Variants in MAMDC2 observed in about 807,000 individuals in gnomAD.
MAMDC2 encodes the protein MAM domain containing 2.
MAMDC2 carries 57 observed loss-of-function variants against 89.8 expected under a neutral mutation model. The ratio of observed to expected loss-of-function variants is 0.63; its 90% CI spans 0.51 to 0.79. The LOEUF (loss-of-function observed/expected upper bound fraction) is 0.79, where lower values mean the gene tolerates loss of function less well. MAMDC2 is among the 30% of genes least tolerant of loss of function. MAMDC2 has a pLI of 0.00. For missense variants in MAMDC2, 800 were observed against 820.6 expected, an observed-to-expected ratio of 0.97 and a Z score of 0.31; for synonymous variants, 313 against 293.4, an observed-to-expected ratio of 1.07 and a Z score of -0.68.
At chr9:70,113,786 G>C (rs1201301960) in intron 5 of MAMDC2, 1 of 152,240 alleles carries the variant, frequency 6.6e-6, no homozygotes, top group Admixed American at 6.5e-5. Context: ...AAAAGCCAAG[G>C]TCTCCCCACA....
intron 11 of MAMDC2, among the ~76,000 whole-genome samples, chr9:70,218,110 T>A (rs1440587910): frequency 6.6e-6 from 1 of 152,254 alleles, no homozygotes; most frequent in Non-Finnish European, 1.5e-5. Flanking sequence ...ACCTCTTGTA[T>A]ATTAAACTGA....
intron 9 of MAMDC2, among the ~76,000 whole-genome samples, chr9:70,155,366 C>T (rs1451163500): frequency 6.6e-6 from 1 of 152,128 alleles, no homozygotes; most frequent in African/African-American, 2.4e-5. Context: ...CAGTTCTGTT[C>T]CTCTCTGAAT....
chr9:70,094,679 GGAA>G (rs1224535088), intron 2 of MAMDC2, among the ~76,000 whole-genome samples: 2 of 152,042 alleles, frequency 1.3e-5, no homozygotes, highest in African/African-American at 4.8e-5. Context: ...ACTACCATCA[GGAA>G]GAAGTTTACC....
At chr9:70,180,101 A>T (rs530950706) in intron 11 of MAMDC2, among the ~76,000 whole-genome samples, 4 of 151,396 alleles carry the variant, frequency 2.6e-5, no homozygotes, top group African/African-American at 9.7e-5. Context: ...CTTATGAGTG[A>T]GAACATGCAG....
chr9:70,155,049 G>C (rs1012993), intron 9 of MAMDC2, among the ~76,000 whole-genome samples: 119,094 of 151,892 alleles, frequency 0.78, 46,835 homozygotes, highest in Admixed American at 0.83. Context: ...CTCCCCACCT[G>C]CAGGTCTTCC....
At chr9:70,210,642 T>C (rs550120416) in intron 11 of MAMDC2, among the ~76,000 whole-genome samples, 2 of 152,342 alleles carry the variant, frequency 1.3e-5, no homozygotes, top group Admixed American at 1.3e-4. Context: ...CATTTAAGGT[T>C]AATATTGTTA....
chr9:70,140,774 A>T (rs1179124592), intron 8 of MAMDC2, among the ~76,000 whole-genome samples: 1 of 152,178 alleles, frequency 6.6e-6, no homozygotes, highest in Non-Finnish European at 1.5e-5. Flanking sequence ...TGCACTTTCA[A>T]ATGGATAAAT....
intron 11 of MAMDC2, among the ~76,000 whole-genome samples, chr9:70,197,806 C>T (rs1160722432): frequency 6.6e-6 from 1 of 152,142 alleles, no homozygotes; most frequent in Non-Finnish European, 1.5e-5. Flanking sequence ...CAGCCATCCA[C>T]ATCGTCATAG....
intron 2 of MAMDC2, among the ~76,000 whole-genome samples, chr9:70,097,171 T>G (rs1828050069): frequency 6.6e-6 from 1 of 152,166 alleles, no homozygotes; most frequent in East Asian, 1.9e-4. Context: ...GAAAAAAAAA[T>G]CTTCATCAAG....
chr9:70,045,434 G>A (rs764015413), intron 2 of MAMDC2, among the ~76,000 whole-genome samples: 41 of 152,126 alleles, frequency 2.7e-4, no homozygotes, highest in South Asian at 4.2e-4. Context: ...AATGGCAGGC[G>A]GCACTGGGTG....
At chr9:70,190,346 T>A (rs966173342) in intron 11 of MAMDC2, among the ~76,000 whole-genome samples, 1 of 152,178 alleles carries the variant, frequency 6.6e-6, no homozygotes, top group Non-Finnish European at 1.5e-5. Context: ...ATGGCTCTGC[T>A]CTGTTAGCTT....
intron 6 of MAMDC2, among the ~76,000 whole-genome samples, 176 bp from the exon 7 acceptor site, chr9:70,131,343 A>G (rs2030796609): frequency 6.6e-6 from 1 of 152,224 alleles, no homozygotes; most frequent in Non-Finnish European, 1.5e-5. Context: ...TCTCCCAAAA[A>G]GAGACTGTAG....
chr9:70,164,231 G>T (rs1431335783), intron 9 of MAMDC2, among the ~76,000 whole-genome samples: 1 of 152,100 alleles, frequency 6.6e-6, no homozygotes, highest in East Asian at 1.9e-4. Context: ...CCATAACAAA[G>T]AATTATCTGG....
chr9:70,071,844 G>A (rs1827417960), intron 2 of MAMDC2: 1 of 152,160 alleles, frequency 6.6e-6, no homozygotes, highest in African/African-American at 2.4e-5. Flanking sequence ...ATGAACAAAG[G>A]CTGAAGGAAG....
At chr9:70,193,551 C>T (rs1450528560) in intron 11 of MAMDC2, among the ~76,000 whole-genome samples, 1 of 152,048 alleles carries the variant, frequency 6.6e-6, no homozygotes, top group Non-Finnish European at 1.5e-5. Context: ...CTCCTATAGC[C>T]TGTCTTGCTC....
rs1387672172 is a variant in MAMDC2 at position 70,108,424 on chromosome 9, C to T, written c.362C>T (p.Pro121Leu). The part of the protein sequence containing the change: ...FDRLLWSAKE[P>L]SDSWLIASLD... ...CGCTTGCTTTGGTCAGCTAAGGAAC[C>T]TTCAGACAGCTGGCTCATAGCCAGC... is the stretch of plus-strand genomic sequence containing the variant. The change falls in exon 3 of 14, where the codon CCT (proline) becomes CTT (leucine). Residue 121 changes from proline to leucine, a missense_variant. Physicochemically the swap from Pro to Leu is moderately conservative, Grantham distance 98. Coordinates refer to ENST00000377182, the MANE Select transcript of MAMDC2 (RefSeq NM_153267.5). 3.1e-6 allele frequency: 5 copies of T among 1,613,192 alleles called. No homozygotes were observed. The highest frequency in any genetic ancestry group is 4.2e-6 in the Non-Finnish European group (5 of 1,179,740).
chr9:70,079,456 A>G (rs112470208), intron 2 of MAMDC2: 1 of 152,168 alleles, frequency 6.6e-6, no homozygotes, highest in African/African-American at 2.4e-5. Flanking sequence ...GAGCACCATG[A>G]GTATAAACAG....
chr9:70,210,312 G>A (rs4744990), intron 11 of MAMDC2, among the ~76,000 whole-genome samples: 98,672 of 152,018 alleles, frequency 0.65, 32,572 homozygotes, highest in Admixed American at 0.71. Flanking sequence ...TATGAATCTG[G>A]ATGCTTCTGT....
intron 12 of MAMDC2, among the ~76,000 whole-genome samples, chr9:70,219,017 G>A (rs1433880539): frequency 6.6e-6 from 1 of 152,080 alleles, no homozygotes; most frequent in Non-Finnish European, 1.5e-5. Context: ...ATTTAACAGT[G>A]AGCATGGTCC....
Sources: allele counts gnomAD v4.1 joint callset (sites outside exome capture counted in the v4.1 genomes callset), GRCh38; gene constraint gnomAD v4.1.1; transcripts MANE v1.5; gene names NCBI Gene and HGNC (gene_info 2026-07-23, HGNC 2026-07-21).